Variants in ADAMTS16 observed in about 807,000 individuals in gnomAD.
ADAMTS16 encodes the protein ADAM metallopeptidase with thrombospondin type 1 motif 16.
ADAMTS16 carries 94 observed loss-of-function variants against 145.8 expected under a neutral mutation model. That is an observed-to-expected ratio of 0.64 (90% CI 0.55 to 0.77). The LOEUF (loss-of-function observed/expected upper bound fraction) is 0.77. Among genes scored for constraint, ADAMTS16 ranks in the 30% least tolerant of loss-of-function variants. ADAMTS16 has a pLI of 0.00. For missense variants in ADAMTS16, 1,585 were observed against 1,591.5 expected (o/e 1.00, Z 0.07); for synonymous variants, 659 against 604.3 (o/e 1.09, Z -1.33).
At chr5:5,181,706 G>T (rs534753488) in intron 3 of ADAMTS16, among the ~76,000 whole-genome samples, 1 of 152,272 alleles carries the variant, frequency 6.6e-6, no homozygotes, top group South Asian at 2.1e-4. Context: ...GTGTGCACGT[G>T]TTCTTTCTTG....
At chr5:5,165,310 C>A (rs138905646) in intron 3 of ADAMTS16, among the ~76,000 whole-genome samples, 1 of 152,266 alleles carries the variant, frequency 6.6e-6, no homozygotes, top group African/African-American at 2.4e-5. Flanking sequence ...GGCGCCCCAT[C>A]GTATCCCACT....
At chr5:5,307,152 G>T (rs377465264) in intron 21 of ADAMTS16, among the ~76,000 whole-genome samples, 1 of 152,114 alleles carries the variant, frequency 6.6e-6, no homozygotes, top group African/African-American at 2.4e-5. Flanking sequence ...CCACCATGGA[G>T]CGGGGGTTCC....
At position 5,185,332 on chromosome 5, in the gene ADAMTS16, C is replaced by T. The variant is rs573673335; in HGVS notation, c.764-720C>T. Among the ~76,000 whole-genome samples the T allele has an allele frequency of 1.1e-4, 17 of 152,270 alleles. No individual in the cohort carries two copies. The South Asian group carries it at 1.7e-3, about 15-fold the overall frequency. ...GGGCTTTTTGAAGTCCACTTTCACACGAAACAATTCTAACCACATTTTCTG... is the reference window on the plus strand; with the variant it reads ...GGGCTTTTTGAAGTCCACTTTCACATGAAACAATTCTAACCACATTTTCTG... On this transcript the variant is annotated intron_variant, in intron 4 of 22. Transcript: ENST00000274181.
chr5:5,212,148 C>A (rs934935830), intron 10 of ADAMTS16, among the ~76,000 whole-genome samples: 3 of 150,956 alleles, frequency 2.0e-5, no homozygotes, highest in Admixed American at 6.6e-5. Context: ...GCAATTATTA[C>A]GTATGTTTCT....
At chr5:5,166,784 G>T (rs376180396) in intron 3 of ADAMTS16, among the ~76,000 whole-genome samples, 6 of 152,118 alleles carry the variant, frequency 3.9e-5, no homozygotes, top group African/African-American at 1.4e-4. Context: ...GGAAAATAAG[G>T]CCCTGCTGAA....
At chr5:5,215,709 T>C (rs1344845574) in intron 10 of ADAMTS16, among the ~76,000 whole-genome samples, 2 of 113,874 alleles carry the variant, frequency 1.8e-5, no homozygotes, top group African/African-American at 4.6e-5. Flanking sequence ...TATATATATA[T>C]ATATGTGGTA....
At chr5:5,206,343 G>A (rs1179980113) in intron 9 of ADAMTS16, among the ~76,000 whole-genome samples, 2 of 128,922 alleles carry the variant, frequency 1.6e-5, no homozygotes, top group East Asian at 2.4e-4. Flanking sequence ...GGAGAATGGC[G>A]TGAACCCGGG....
chr5:5,307,942 G>A (rs1740251803), intron 21 of ADAMTS16, among the ~76,000 whole-genome samples: 1 of 152,202 alleles, frequency 6.6e-6, no homozygotes, highest in South Asian at 2.1e-4. Flanking sequence ...CTGGGCGAGG[G>A]CAGCAGAACA....
At chr5:5,155,463 A>G (rs1335643432) in intron 3 of ADAMTS16, among the ~76,000 whole-genome samples, 1 of 152,232 alleles carries the variant, frequency 6.6e-6, no homozygotes, top group Non-Finnish European at 1.5e-5. Context: ...GCATTTGAGT[A>G]CTGAAAAATT....
Position 5,319,156 on chromosome 5 carries a change from T to C in ADAMTS16, c.*18T>C, listed in dbSNP as rs756636049. On this transcript the variant is annotated 3_prime_UTR_variant, in exon 23 of 23. Transcript: ENST00000274181. ...ACTTGTGAGTTGGGACCGCTCTCCG[T>C]AGCAGAGAAAGTGCCTGCGTGGCAC... 1.3e-5 allele frequency: 20 copies of C among 1,577,098 alleles called. No individual in the cohort carries two copies. Among genetic ancestry groups the C allele is most frequent in the Middle Eastern group, 3.9e-4 (2 of 5,108 alleles).
chr5:5,224,529 T>A (rs1053306324), intron 11 of ADAMTS16, among the ~76,000 whole-genome samples: 3 of 152,178 alleles, frequency 2.0e-5, no homozygotes, highest in Non-Finnish European at 2.9e-5. Flanking sequence ...GACCTCGTGA[T>A]CCACCTGCCT....
intron 22 of ADAMTS16, among the ~76,000 whole-genome samples, chr5:5,318,511 A>G (rs921183732): frequency 8.5e-5 from 13 of 152,138 alleles, no homozygotes; most frequent in African/African-American, 2.9e-4. Context: ...CTTCTTTCCT[A>G]TATCAATGCT....
At chr5:5,141,300 C>A (rs1734163099) in intron 2 of ADAMTS16, among the ~76,000 whole-genome samples, 1 of 152,190 alleles carries the variant, frequency 6.6e-6, no homozygotes, top group African/African-American at 2.4e-5. Context: ...ATAATAGTGC[C>A]TGAAATGGCT....
chr5:5,146,435 C>T lies in ADAMTS16; in HGVS notation c.481C>T (p.Leu161Phe), dbSNP rs1173516223. ...LRSHRNSSVA[L>F]STCQGLSGMI... ...ATCACACAGAAACTCCTCAGTGGCCCTTTCAACCTGCCAAGGCTTGGTGAG... is the reference window on the plus strand; with the variant it reads ...ATCACACAGAAACTCCTCAGTGGCCTTTTCAACCTGCCAAGGCTTGGTGAG... The change falls in exon 3 of 23, where the codon CTT (leucine) becomes TTT (phenylalanine). Residue 161 changes from leucine to phenylalanine, a missense_variant. Physicochemically the swap from Leu to Phe is conservative, Grantham distance 22. Coordinates refer to ENST00000274181, the MANE Select transcript of ADAMTS16 (RefSeq NM_139056.4). 1.2e-6 allele frequency: 2 copies of T among 1,609,272 alleles called. No homozygotes were observed. The highest frequency in any genetic ancestry group is 1.1e-5 in the South Asian group (1 of 91,062).
At chr5:5,206,284 G>A (rs997510337) in intron 9 of ADAMTS16, among the ~76,000 whole-genome samples, 13 of 146,922 alleles carry the variant, frequency 8.8e-5, no homozygotes, top group African/African-American at 2.8e-4. Flanking sequence ...AAATTAGCCG[G>A]GCGTAGTGGC....
Position 5,140,553 on chromosome 5 carries a change from G to C in ADAMTS16, c.72+14G>C. 1 of 1,501,984 alleles carries C rather than the reference G, an allele frequency of 6.7e-7. No homozygotes were observed. Among genetic ancestry groups the C allele is most frequent in the Non-Finnish European group, 8.8e-7 (1 of 1,133,704 alleles). 93.0% of individuals were successfully genotyped at this position (1,501,984 alleles called of 1,614,324 possible). A position where few individuals can be genotyped will look rare whatever the true frequency, so the allele number is the denominator to read the frequency against. On this transcript the variant is annotated intron_variant, in intron 1 of 22. Coordinates refer to ENST00000274181, the MANE Select transcript of ADAMTS16 (RefSeq NM_139056.4). Reference sequence around the variant, plus strand: ...GTGGCCGAGCAGGTGAGTCCCGGGCGCTCCCACCAGCGCGGAAACCGCGGG... The same window carrying C: ...GTGGCCGAGCAGGTGAGTCCCGGGCCCTCCCACCAGCGCGGAAACCGCGGG...
chr5:5,159,109 A>G (rs968335350), intron 3 of ADAMTS16, among the ~76,000 whole-genome samples: 3 of 152,262 alleles, frequency 2.0e-5, no homozygotes, highest in Admixed American at 6.5e-5. Context: ...TCCAGAACCA[A>G]GTGAGTCAAC....
chr5:5,164,561 G>A (rs1734816466), intron 3 of ADAMTS16, among the ~76,000 whole-genome samples: 1 of 152,232 alleles, frequency 6.6e-6, no homozygotes, highest in South Asian at 2.1e-4. Flanking sequence ...AATGCCCTGG[G>A]CACCAAGGAA....
intron 17 of ADAMTS16, among the ~76,000 whole-genome samples, chr5:5,261,843 T>G (rs1738046887): frequency 6.6e-6 from 1 of 152,198 alleles, no homozygotes; most frequent in Non-Finnish European, 1.5e-5. Flanking sequence ...TTCACATTGA[T>G]GTACAATCAT....
Sources: gnomAD v4.1 joint callset for allele counts (sites outside exome capture counted in the v4.1 genomes callset) on GRCh38, gnomAD v4.1.1 for gene constraint, MANE v1.5 for transcripts, NCBI Gene and HGNC (gene_info 2026-07-23, HGNC 2026-07-21) for gene names.